The following CNKSR3 variants were observed in gnomAD, a reference collection of about 807,000 sequenced individuals.
CNKSR3 encodes the protein CNKSR family member 3, also known as connector enhancer of kinase suppressor of ras 3.
A neutral mutation model predicts 67.7 loss-of-function variants in CNKSR3; 36 were observed. The ratio of observed to expected loss-of-function variants is 0.53; its 90% CI spans 0.41 to 0.70. The LOEUF is 0.70. Among genes scored for constraint, CNKSR3 ranks in the 30% least tolerant of loss-of-function variants. The probability of loss-of-function intolerance (pLI) is 0.00; values close to 1 mark genes in which losing one functional copy is unlikely to be tolerated. For missense variants in CNKSR3, 630 were observed against 695.2 expected (o/e 0.91, Z 1.05); for synonymous variants, 281 against 271.4 (o/e 1.04, Z -0.35).
At chr6:154,411,720 T>G (rs193079253) in intron 10 of CNKSR3, among the ~76,000 whole-genome samples, 1 of 152,160 alleles carries the variant, frequency 6.6e-6, no homozygotes, top group Non-Finnish European at 1.5e-5. Context: ...CAGCTCTAGT[T>G]TTCCTGTGCT....
Position 154,399,732 on chromosome 6 carries a change from T to A in CNKSR3, c.*6622A>T, listed in dbSNP as rs191726099. ...ACACTGAGTTAAAAGGACAATTTCT[T>A]CCTTCAGAGACAATCTTACTTTATA... On this transcript the variant is annotated 3_prime_UTR_variant, in exon 13 of 13. Transcript: ENST00000607772. The A allele has an allele frequency of 2.0e-4, 30 of 152,268 alleles. No individual in the cohort carries two copies. The highest frequency in any genetic ancestry group is 6.7e-4 in the African/African-American group (28 of 41,558). 9.4% of individuals were successfully genotyped at this position (152,268 alleles called of 1,614,324 possible).
chr6:154,478,010 C>G (rs1786488884), intron 1 of CNKSR3, among the ~76,000 whole-genome samples: 1 of 152,194 alleles, frequency 6.6e-6, no homozygotes, highest in African/African-American at 2.4e-5. Flanking sequence ...AGGCAGCGAA[C>G]ACACAAACCC....
intron 6 of CNKSR3, 29 bp downstream of exon 6, chr6:154,430,442 GA>G: frequency 1.3e-6 from 2 of 1,575,474 alleles, no homozygotes; most frequent in African/African-American, 1.4e-5. Flanking sequence ...TATGTTATCT[GA>G]AAATAAAACA....
rs1164197627 is a variant in CNKSR3, at chr6:154,392,220, AAAG to A, written c.*14131_*14133del. 5.3e-5 allele frequency: 8 copies of A among 152,162 alleles called. No homozygotes were observed. The highest frequency in any genetic ancestry group is 1.2e-4 in the Non-Finnish European group (8 of 68,034). The allele number at this position is 152,162 out of a possible 1,614,324, so 9.4% of individuals were successfully genotyped here. ...GAGAGACTCCATCTCAAAAAAAAAA[AAAG>A]AGTGTACCATTATATGTTGTCTTCT... On this transcript the variant is annotated 3_prime_UTR_variant, in exon 13 of 13. Coordinates refer to ENST00000607772, the MANE Select transcript of CNKSR3 (RefSeq NM_173515.4).
In CNKSR3 at chr6:154,403,915, C is replaced by A. The variant is rs1251898893; in HGVS notation, c.*2439G>T. The stretch of plus-strand genomic sequence containing the variant: ...TGATTTAACTCATCATCCAGTGGAA[C>A]TACAGCTCTTAGAGTTCTCCCCACA... On this transcript the variant is annotated 3_prime_UTR_variant, in exon 13 of 13. Coordinates refer to ENST00000607772, the MANE Select transcript of CNKSR3 (RefSeq NM_173515.4). The A allele has an allele frequency of 6.6e-6, 1 of 152,228 alleles. No individual in the cohort carries two copies. The highest frequency in any genetic ancestry group is 1.5e-5 in the Non-Finnish European group (1 of 68,048). 9.4% of individuals were successfully genotyped at this position (152,228 alleles called of 1,614,324 possible).
At chr6:154,499,068 G>C (rs57163634) in intron 1 of CNKSR3, among the ~76,000 whole-genome samples, 21,963 of 152,170 alleles carry the variant, frequency 0.14, 2,006 homozygotes, top group African/African-American at 0.26. Flanking sequence ...CACAGGGACA[G>C]GACGGAAGGA....
intron 2 of CNKSR3, among the ~76,000 whole-genome samples, chr6:154,444,307 C>T (rs970307699): frequency 7.2e-5 from 11 of 152,052 alleles, no homozygotes; most frequent in South Asian, 2.1e-4. Context: ...TCTAATTTGC[C>T]GGTAAGGAAA....
Position 154,509,997 on chromosome 6 carries a change from C to T in CNKSR3, c.52+66G>A, listed in dbSNP as rs1787181731. On this transcript the variant is annotated intron_variant, in intron 1 of 12. Transcript: ENST00000607772. ...GGGAGGAAGGGCCAAGTACCCTCTT[C>T]CCCAGCTCCTCGTCCGCCCCATCCC... 6 of 1,571,636 alleles carry T rather than the reference C, an allele frequency of 3.8e-6. No individual in the cohort carries two copies. The South Asian group carries it at 6.6e-5, about 17-fold the overall frequency.
At chr6:154,498,306 G>C (rs1786917295) in intron 1 of CNKSR3, among the ~76,000 whole-genome samples, 1 of 151,838 alleles carries the variant, frequency 6.6e-6, no homozygotes. Flanking sequence ...GCTGTCCACA[G>C]AGGAAATTGC....
chr6:154,429,078 C>G (rs1384959331), intron 6 of CNKSR3, among the ~76,000 whole-genome samples: 2 of 152,112 alleles, frequency 1.3e-5, no homozygotes, highest in Non-Finnish European at 2.9e-5. Flanking sequence ...GCCAATGCCT[C>G]ACTGAGTGAT....
chr6:154,504,526 A>C (rs1562361200), intron 1 of CNKSR3, among the ~76,000 whole-genome samples: 2 of 152,238 alleles, frequency 1.3e-5, no homozygotes, highest in Non-Finnish European at 2.9e-5. Context: ...TCCAGAGCCC[A>C]TGCTCTGAAC....
chr6:154,474,422 A>G (rs915729756), intron 1 of CNKSR3, among the ~76,000 whole-genome samples: 6 of 134,036 alleles, frequency 4.5e-5, no homozygotes, highest in Non-Finnish European at 6.3e-5. Context: ...CAAAAAAAAA[A>G]AAGTGGGGGG....
chr6:154,483,090 T>C (rs1786597361), intron 1 of CNKSR3, among the ~76,000 whole-genome samples: 1 of 152,192 alleles, frequency 6.6e-6, no homozygotes, highest in South Asian at 2.1e-4. Flanking sequence ...TTTACCCCAG[T>C]GGCATCTTGG....
intron 1 of CNKSR3, among the ~76,000 whole-genome samples, chr6:154,483,152 A>G (rs1786598989): frequency 1.3e-5 from 2 of 152,192 alleles, no homozygotes; most frequent in Non-Finnish European, 2.9e-5. Context: ...ATTTGAGTCT[A>G]ACCAAAGCAT....
chr6:154,455,727 T>C (rs944435126), intron 1 of CNKSR3, among the ~76,000 whole-genome samples: 10 of 152,192 alleles, frequency 6.6e-5, no homozygotes, highest in African/African-American at 2.4e-4. Context: ...TGGCCTGCTT[T>C]TATTTTCTTA....
rs1785343832 is a variant in CNKSR3 at position 154,430,533 on chromosome 6, A to T, written c.608T>A (p.Met203Lys). The T allele has an allele frequency of 6.2e-7, 1 of 1,611,654 alleles. No individual in the cohort carries two copies. The highest frequency in any genetic ancestry group is 1.3e-5 in the African/African-American group (1 of 74,866). ...KTIRSTTDPV[M>K]SQCACLEEVH... is the part of the protein sequence containing the mutation. ...TTCCTCCAGACATGCACACTGGCTCATCACAGGATCTGTGGTAGATCGGAT... is the reference window on the plus strand; with the variant it reads ...TTCCTCCAGACATGCACACTGGCTCTTCACAGGATCTGTGGTAGATCGGAT... The change falls in exon 6 of 13, where the codon ATG (methionine) becomes AAG (lysine). Residue 203 changes from methionine to lysine, a missense_variant. Met to Lys is a moderately conservative substitution (Grantham distance 95). This residue lies in a region of CNKSR3 where 133 missense variants were observed against 190.6 expected (regional missense o/e 0.70). Coordinates refer to ENST00000607772, the MANE Select transcript of CNKSR3 (RefSeq NM_173515.4).
intron 1 of CNKSR3, among the ~76,000 whole-genome samples, chr6:154,452,152 G>T (rs1271665224): frequency 6.6e-6 from 1 of 152,188 alleles, no homozygotes; most frequent in African/African-American, 2.4e-5. Flanking sequence ...GTTGATGAAA[G>T]AATTAAGGCT....
chr6:154,432,131 A>G (rs1785380337), intron 5 of CNKSR3, among the ~76,000 whole-genome samples: 1 of 152,242 alleles, frequency 6.6e-6, no homozygotes, highest in Admixed American at 6.5e-5. Flanking sequence ...CCAGCAATTA[A>G]CGAGCGTTCC....
At position 154,391,921 on chromosome 6, in the gene CNKSR3, A is replaced by C. The variant is rs1036721485; in HGVS notation, c.*14433T>G. 21 of 152,208 alleles carry C rather than the reference A, an allele frequency of 1.4e-4. No individual in the cohort carries two copies. The highest frequency in any genetic ancestry group is 4.8e-4 in the African/African-American group (20 of 41,454). 9.4% of individuals were successfully genotyped at this position (152,208 alleles called of 1,614,324 possible). A position where few individuals can be genotyped will look rare whatever the true frequency, so the allele number is the denominator to read the frequency against. On this transcript the variant is annotated 3_prime_UTR_variant, in exon 13 of 13. Coordinates refer to ENST00000607772, the MANE Select transcript of CNKSR3 (RefSeq NM_173515.4). ...GTTTTACCTGTTTCTGAATGTTTAA[A>C]AAGAATGTAGCTGGGCATGGTGGCT...
Sources: allele counts gnomAD v4.1 joint callset (sites outside exome capture counted in the v4.1 genomes callset), GRCh38; gene constraint gnomAD v4.1.1; regional missense constraint gnomAD v4.1.1; transcripts MANE v1.5; gene names NCBI Gene and HGNC (gene_info 2026-07-23, HGNC 2026-07-21).